The following GRIP1 variants were observed in gnomAD, a reference collection of about 807,000 sequenced individuals.
GRIP1 encodes glutamate receptor-interacting protein 1.
A neutral mutation model predicts 129.9 loss-of-function variants in GRIP1; 45 were observed. The observed-to-expected ratio is 0.35, with a 90% CI of 0.27 to 0.44. The LOEUF is 0.44. Among genes scored for constraint, GRIP1 ranks in the 20% least tolerant of loss-of-function variants. The probability of loss-of-function intolerance (pLI) is 1.00; values close to 1 mark genes in which losing one functional copy is unlikely to be tolerated. For missense variants in GRIP1, 1,196 were observed against 1,396.8 expected (o/e 0.86, Z 2.29); for synonymous variants, 530 against 520.8 (o/e 1.02, Z -0.24).
At chr12:66,668,700 T>C (rs11176368) in intron 1 of GRIP1, among the ~76,000 whole-genome samples, 32,661 of 151,896 alleles carry the variant, frequency 0.22, 3,742 homozygotes, top group Non-Finnish European at 0.25. Context: ...GATGAGAGGA[T>C]AGCCTGAGCC....
At chr12:66,997,467 A>G (rs2042485325) in intron 1 of GRIP1, among the ~76,000 whole-genome samples, 1 of 152,168 alleles carries the variant, frequency 6.6e-6, no homozygotes, top group African/African-American at 2.4e-5. Context: ...AGTAAAATTA[A>G]AAAGTGCTTT....
intron 24 of GRIP1, 146 bp downstream of exon 24, chr12:66,353,271 G>C (rs2054320992): frequency 1.4e-6 from 1 of 726,308 alleles, no homozygotes; most frequent in African/African-American, 1.7e-5. Flanking sequence ...TCTTTATTCA[G>C]CTGTTTGCTT....
At chr12:66,419,550 C>T (rs2057730515) in intron 15 of GRIP1, among the ~76,000 whole-genome samples, 1 of 152,128 alleles carries the variant, frequency 6.6e-6, no homozygotes. Context: ...ATCAAAATAT[C>T]TCTTGTATCC....
chr12:67,023,430 G>C (rs1247163818), intron 1 of GRIP1, among the ~76,000 whole-genome samples: 1 of 152,186 alleles, frequency 6.6e-6, no homozygotes, highest in Non-Finnish European at 1.5e-5. Context: ...TCAAAAAGTA[G>C]TTACCCGTAA....
At chr12:66,898,759 C>T (rs1250056687) in intron 1 of GRIP1, among the ~76,000 whole-genome samples, 1 of 152,162 alleles carries the variant, frequency 6.6e-6, no homozygotes, top group African/African-American at 2.4e-5. Context: ...TTTCCTAGTC[C>T]AGCTTGTGCC....
intron 1 of GRIP1, among the ~76,000 whole-genome samples, chr12:66,723,965 G>A (rs974361919): frequency 6.6e-6 from 1 of 152,126 alleles, no homozygotes; most frequent in African/African-American, 2.4e-5. Flanking sequence ...ACACAGAAAT[G>A]GTGTTTGTAG....
chr12:66,909,046 C>G (rs1471121898), intron 1 of GRIP1, among the ~76,000 whole-genome samples: 1 of 152,182 alleles, frequency 6.6e-6, no homozygotes, highest in Non-Finnish European at 1.5e-5. Context: ...TTATTATGCT[C>G]TCTTTACATT....
intron 1 of GRIP1, among the ~76,000 whole-genome samples, chr12:66,906,743 C>G (rs1199356929): frequency 6.6e-6 from 1 of 152,172 alleles, no homozygotes; most frequent in African/African-American, 2.4e-5. Flanking sequence ...TGGGCACCTA[C>G]TAGACTGGAC....
chr12:66,527,512 C>T lies in GRIP1; in HGVS notation c.502+2319G>A, dbSNP rs553659400. 2.0e-3 allele frequency among the ~76,000 whole-genome samples: 309 copies of T among 151,108 alleles called. 1 individual carries two copies. The highest frequency in any genetic ancestry group is 6.7e-3 in the African/African-American group (277 of 41,054). On this transcript the variant is annotated intron_variant, in intron 5 of 24. Transcript: ENST00000359742. The stretch of plus-strand genomic sequence containing the variant: ...ACACAGGAAGGGGAACATCACACTC[C>T]GGGGAGTGTTGTGGGGTGTGGGGAT...
chr12:66,803,996 G>A (rs1445530417), intron 1 of GRIP1: 11 of 408,208 alleles, frequency 2.7e-5, no homozygotes, highest in Non-Finnish European at 5.4e-5. Flanking sequence ...TCCACACAAG[G>A]TTTATTGTTA....
intron 1 of GRIP1, among the ~76,000 whole-genome samples, chr12:66,902,224 C>G (rs1412103462): frequency 1.3e-5 from 2 of 152,204 alleles, no homozygotes; most frequent in Non-Finnish European, 2.9e-5. Flanking sequence ...CCTCCCCAGA[C>G]TTCTTTCCCA....
chr12:66,628,477 C>T (rs1228520081), intron 1 of GRIP1, among the ~76,000 whole-genome samples: 3 of 152,182 alleles, frequency 2.0e-5, no homozygotes, highest in African/African-American at 7.2e-5. Flanking sequence ...TTTCCCTCCT[C>T]CTCTCCTGCT....
At chr12:66,541,015 A>G (rs529594023) in intron 3 of GRIP1, among the ~76,000 whole-genome samples, 2 of 151,224 alleles carry the variant, frequency 1.3e-5, no homozygotes, top group East Asian at 3.9e-4. Context: ...GGGTTTCACC[A>G]TGTTGGTCAA....
At position 66,760,981 on chromosome 12, in the gene GRIP1, T is replaced by G. The variant is rs78242729; in HGVS notation, c.-420+43072A>C. Among the ~76,000 whole-genome samples the G allele has an allele frequency of 3.6e-3, 551 of 152,180 alleles. 1 individual carries two copies. Among genetic ancestry groups the G allele is most frequent in the Non-Finnish European group, 6.2e-3 (425 of 68,006 alleles). The stretch of plus-strand genomic sequence containing the variant: ...GGAACCTCCAACTTACCACACAGTG[T>G]AAGACAGCATAGCATGTCACCACAA... On this transcript the variant is annotated intron_variant, in intron 1 of 4. Coordinates refer to the GRIP1 transcript ENST00000538373.
intron 1 of GRIP1, among the ~76,000 whole-genome samples, chr12:66,723,471 C>T (rs755333907): frequency 3.3e-5 from 5 of 151,704 alleles, no homozygotes; most frequent in Admixed American, 6.6e-5. Context: ...CGCCACCATG[C>T]CCAACTAATC....
chr12:66,349,289 A>G (rs766482359), intron 24 of GRIP1, 43 bp from the exon 25 acceptor site: 2 of 1,485,120 alleles, frequency 1.3e-6, no homozygotes, highest in Non-Finnish European at 9.4e-7. Flanking sequence ...CGTTGTAACC[A>G]TAATTCCCAA....
In GRIP1 at chr12:66,859,300, C is replaced by CA. The variant is rs1335338526; in HGVS notation, c.58+209749dup. 1.2e-3 allele frequency among the ~76,000 whole-genome samples: 16 copies of CA among 13,688 alleles called. 1 individual carries two copies. The highest frequency in any genetic ancestry group is 3.0e-3 in the Admixed American group (2 of 666). 9.0% of individuals were successfully genotyped at this position (13,688 alleles called of 152,430 possible). ...ACAAAAAAACAAAAAAACAAAAAAA[C>CA]AAAAAAAAACCAGTATTAGCCATCA... On this transcript the variant is annotated intron_variant, in intron 1 of 1. Transcript: ENST00000643019.
chr12:66,386,762 T>A (rs1356442931), intron 19 of GRIP1, among the ~76,000 whole-genome samples: 2 of 152,264 alleles, frequency 1.3e-5, no homozygotes, highest in African/African-American at 2.4e-5. Context: ...GTTAATTCGC[T>A]GCCAAATTTG....
chr12:66,832,461 C>T (rs2039535988), intron 1 of GRIP1, among the ~76,000 whole-genome samples: 1 of 152,046 alleles, frequency 6.6e-6, no homozygotes, highest in South Asian at 2.1e-4. Flanking sequence ...GTATTCATTC[C>T]ATCCTTCCTG....
Sources: allele counts gnomAD v4.1 joint callset (sites outside exome capture counted in the v4.1 genomes callset), GRCh38; gene constraint gnomAD v4.1.1; transcripts MANE v1.5; gene names NCBI Gene and HGNC (gene_info 2026-07-23, HGNC 2026-07-21).